The following PGPEP1 variants were observed in gnomAD, a reference collection of about 807,000 sequenced individuals.
PGPEP1 encodes pyroglutamyl-peptidase 1.
PGPEP1 carries 15 observed loss-of-function variants against 24.1 expected under a neutral mutation model. The observed-to-expected ratio is 0.62, with a 90% CI of 0.42 to 0.96. The LOEUF (loss-of-function observed/expected upper bound fraction) is 0.96, where lower values mean the gene tolerates loss of function less well. Among genes scored for constraint, PGPEP1 ranks in the 40% least tolerant of loss-of-function variants. PGPEP1 has a pLI of 0.00. For synonymous variants in PGPEP1, 122 were observed against 116.4 expected, an observed-to-expected ratio of 1.05 and a Z score of -0.31; for missense variants, 242 against 273.4, an observed-to-expected ratio of 0.89 and a Z score of 0.81.
chr19:18,363,805 A>G lies in PGPEP1; in HGVS notation c.*222A>G. 2.3e-6 allele frequency: 1 copy of G among 443,952 alleles called. No homozygotes were observed. Among genetic ancestry groups the G allele is most frequent in the Non-Finnish European group, 4.1e-6 (1 of 244,448 alleles). 27.5% of individuals were successfully genotyped at this position (443,952 alleles called of 1,614,324 possible). ...TTTTTTCTCCCATTTTCCTCCCTGC[A>G]TCTGGGGACACAGCTGCCGTGACCA... On this transcript the variant is annotated 3_prime_UTR_variant, in exon 5 of 5. Transcript: ENST00000269919.
Position 18,367,498 on chromosome 19 carries a change from C to CT in PGPEP1, c.*3919dup, listed in dbSNP as rs1038460824. On this transcript the variant is annotated 3_prime_UTR_variant, in exon 5 of 5. Coordinates refer to ENST00000269919, the MANE Select transcript of PGPEP1 (RefSeq NM_017712.4). ...CCTGACCAACTTGATGATGGCATCT[C>CT]TTTTAAGATGCCCAAGTCTGCGCAC... is the stretch of plus-strand genomic sequence containing the variant. 2.0e-5 allele frequency: 3 copies of CT among 152,190 alleles called. No homozygotes were observed. Among genetic ancestry groups the CT allele is most frequent in the African/African-American group, 7.2e-5 (3 of 41,480 alleles). The allele number at this position is 152,190 out of a possible 1,614,324, so 9.4% of individuals were successfully genotyped here. A position where few individuals can be genotyped will look rare whatever the true frequency, so the allele number is the denominator to read the frequency against.
chr19:18,347,164 C>T (rs896435006), intron 2 of PGPEP1, among the ~76,000 whole-genome samples: 2 of 151,782 alleles, frequency 1.3e-5, no homozygotes, highest in Non-Finnish European at 2.9e-5. Flanking sequence ...TCACCTCATC[C>T]TTGACCTCCC....
At chr19:18,363,359 C>T in intron 4 of PGPEP1, 32 bp from the exon 5 acceptor site, 1 of 1,576,700 alleles carries the variant, frequency 6.3e-7, no homozygotes, top group Admixed American at 1.7e-5. Context: ...CCGTTTTGGT[C>T]TCTCTCTTAC....
chr19:18,349,034 G>T (rs569384843), intron 2 of PGPEP1: 268 of 923,656 alleles, frequency 2.9e-4, no homozygotes, highest in Non-Finnish European at 3.4e-4. Context: ...AAGAAGCTGG[G>T]ATTATAGGTG....
At position 18,347,270 on chromosome 19, in the gene PGPEP1, C is replaced by CTTTTCTTTTTT. The variant is rs1555710152; in HGVS notation, c.87+4363_87+4364insCTTTTTTTTTT. On this transcript the variant is annotated intron_variant, in intron 2 of 4. Coordinates refer to ENST00000269919, the MANE Select transcript of PGPEP1 (RefSeq NM_017712.4). ...CTAATTTTTTTTTCTTTCTTTCTTT[C>CTTTTCTTTTTT]TTTTTTTTTTTTTTTTTTGTAGAGA... is the stretch of plus-strand genomic sequence containing the variant. Among the ~76,000 whole-genome samples the CTTTTCTTTTTT allele has an allele frequency of 5.3e-5, 5 of 94,418 alleles. No homozygotes were observed. The South Asian group carries it at 1.5e-3, about 29-fold the overall frequency. 61.9% of individuals were successfully genotyped at this position (94,418 alleles called of 152,430 possible).
chr19:18,349,605 T>A (rs1410717394), intron 2 of PGPEP1, among the ~76,000 whole-genome samples: 4 of 152,228 alleles, frequency 2.6e-5, no homozygotes, highest in Non-Finnish European at 4.4e-5. Context: ...TTTATTTTAT[T>A]GTTTTTGATT....
intron 2 of PGPEP1, among the ~76,000 whole-genome samples, chr19:18,345,767 C>G (rs557062502): frequency 3.3e-5 from 5 of 149,780 alleles, no homozygotes; most frequent in African/African-American, 1.2e-4. Context: ...TGGCCAGGCA[C>G]AGCGGCTCAC....
Position 18,355,933 on chromosome 19 carries a change from G to C in PGPEP1, c.126G>C (p.Leu42=). The change falls in exon 3 of 5, where the codon CTG becomes CTC. Residue 42 remains leucine (L), a synonymous_variant. Transcript: ENST00000269919. ...EKLGLGDSVD[L]HVYEIPVEYQ... is the part of the protein sequence containing the mutation. ...TAGGCCTTGGCGACAGCGTGGACCT[G>C]CATGTGTACGAGATTCCGGTTGAGT... 1 of 1,613,502 alleles carries C rather than the reference G, an allele frequency of 6.2e-7. No homozygotes were observed. Among genetic ancestry groups the C allele is most frequent in the Non-Finnish European group, 8.5e-7 (1 of 1,179,544 alleles).
In PGPEP1 at chr19:18,367,391, G is replaced by C. The variant is rs1971582687; in HGVS notation, c.*3808G>C. The C allele has an allele frequency of 6.6e-6, 1 of 151,874 alleles. No individual in the cohort carries two copies. The highest frequency in any genetic ancestry group is 2.4e-5 in the African/African-American group (1 of 41,290). 9.4% of individuals were successfully genotyped at this position (151,874 alleles called of 1,614,324 possible). A position where few individuals can be genotyped will look rare whatever the true frequency, so the allele number is the denominator to read the frequency against. On this transcript the variant is annotated 3_prime_UTR_variant, in exon 5 of 5. Transcript: ENST00000269919. ...GGGGAGAAAGGTGAGAAGTGATTGG[G>C]GGGGCTTCCCTGATGAGTCCTCATG...
rs930021090 is a variant in PGPEP1, at chr19:18,368,141, GA to G, written c.*4568del. The G allele has an allele frequency of 3.8e-4, 55 of 144,584 alleles. No individual in the cohort carries two copies. Among genetic ancestry groups the G allele is most frequent in the African/African-American group, 5.6e-4 (22 of 39,442 alleles). The allele number at this position is 144,584 out of a possible 1,614,324, so 9.0% of individuals were successfully genotyped here. ...GAGCAAGACCCTGCCTCAAAATTAA[GA>G]AAAAAAAAAGGGGGGCCAGGCGCAG... On this transcript the variant is annotated 3_prime_UTR_variant, in exon 5 of 5. Coordinates refer to ENST00000269919, the MANE Select transcript of PGPEP1 (RefSeq NM_017712.4).
rs1236686835 is a variant in PGPEP1 at position 18,368,588 on chromosome 19, A to G, written c.*5005A>G. 6.5e-6 allele frequency: 1 copy of G among 152,728 alleles called. No homozygotes were observed. Among genetic ancestry groups the G allele is most frequent in the African/African-American group, 2.4e-5 (1 of 41,462 alleles). 9.5% of individuals were successfully genotyped at this position (152,728 alleles called of 1,614,324 possible). A position where few individuals can be genotyped will look rare whatever the true frequency, so the allele number is the denominator to read the frequency against. ...CCTTTTAGTCTTGGAAGTTTCTTCCAGGAAGCAAGACCAGCTGGTATGTTT... is the reference window on the plus strand; with the variant it reads ...CCTTTTAGTCTTGGAAGTTTCTTCCGGGAAGCAAGACCAGCTGGTATGTTT... On this transcript the variant is annotated 3_prime_UTR_variant, in exon 5 of 5. Coordinates refer to ENST00000269919, the MANE Select transcript of PGPEP1 (RefSeq NM_017712.4).
At chr19:18,341,165 A>C (rs1970661292) in intron 1 of PGPEP1, among the ~76,000 whole-genome samples, 2 of 152,114 alleles carry the variant, frequency 1.3e-5, no homozygotes, top group Admixed American at 1.3e-4. Flanking sequence ...TCCCAGTGAC[A>C]AATGAACCTC....
chr19:18,363,367 T>TA, intron 4 of PGPEP1, 24 bp from the exon 5 acceptor site: 1 of 1,591,514 alleles, frequency 6.3e-7, no homozygotes, highest in Non-Finnish European at 8.6e-7. Flanking sequence ...GTCTCTCTCT[T>TA]ACCCGCCACG....
chr19:18,348,678 G>A (rs554943051), intron 2 of PGPEP1, among the ~76,000 whole-genome samples: 5 of 152,276 alleles, frequency 3.3e-5, no homozygotes, highest in South Asian at 4.1e-4. Context: ...GCTCCCTGCC[G>A]TTACCCTATT....
chr19:18,355,878 A>C lies in PGPEP1; in HGVS notation c.88-17A>C. ...TGTCATCTGGGGCCATGACACTCCCACTCTCCTCTCTTCCAGGAGCTAGAA... is the reference window on the plus strand; with the variant it reads ...TGTCATCTGGGGCCATGACACTCCCCCTCTCCTCTCTTCCAGGAGCTAGAA... On this transcript the variant is annotated splice_polypyrimidine_tract_variant and intron_variant, in intron 2 of 4. Coordinates refer to ENST00000269919, the MANE Select transcript of PGPEP1 (RefSeq NM_017712.4). 1 of 1,539,094 alleles carries C rather than the reference A, an allele frequency of 6.5e-7. No homozygotes were observed. The highest frequency in any genetic ancestry group is 9.0e-7 in the Non-Finnish European group (1 of 1,112,114).
chr19:18,357,917 G>A (rs571761113), intron 4 of PGPEP1: 10 of 410,112 alleles, frequency 2.4e-5, no homozygotes, highest in Non-Finnish European at 4.5e-5. Flanking sequence ...AACCCAAGCA[G>A]TCAGTTTCTG....
At chr19:18,352,054 G>A (rs900759337) in intron 2 of PGPEP1, among the ~76,000 whole-genome samples, 2 of 151,724 alleles carry the variant, frequency 1.3e-5, no homozygotes, top group East Asian at 1.9e-4. Context: ...GGCGGATCAC[G>A]AGGTCAGGAG....
chr19:18,342,830 G>A, intron 1 of PGPEP1, 29 bp from the exon 2 acceptor site: 3 of 1,593,764 alleles, frequency 1.9e-6, no homozygotes, highest in Non-Finnish European at 2.6e-6. Context: ...CCACTCTTGG[G>A]TAATATATTG....
intron 4 of PGPEP1, among the ~76,000 whole-genome samples, chr19:18,362,955 C>A (rs933164958): frequency 6.6e-6 from 1 of 151,948 alleles, no homozygotes; most frequent in African/African-American, 2.4e-5. Context: ...AACCAGCGTG[C>A]CTTCCCACCA....
Sources: gnomAD v4.1 joint callset for allele counts (sites outside exome capture counted in the v4.1 genomes callset) on GRCh38, gnomAD v4.1.1 for gene constraint, MANE v1.5 for transcripts, NCBI Gene and HGNC (gene_info 2026-07-23, HGNC 2026-07-21) for gene names.